Variants in MGA observed in about 807,000 individuals in gnomAD.
MGA encodes the protein MAX gene-associated protein.
MGA carries 40 observed loss-of-function variants against 261.1 expected under a neutral mutation model. The observed-to-expected ratio is 0.15, with a 90% CI of 0.12 to 0.20. The LOEUF is 0.20. MGA is among the 10% of genes least tolerant of loss of function. The probability of loss-of-function intolerance (pLI) is 1.00; values close to 1 mark genes in which losing one functional copy is unlikely to be tolerated. For missense variants in MGA, 3,397 were observed against 3,630.5 expected (o/e 0.94, Z 1.65); for synonymous variants, 1,302 against 1,290.6 (o/e 1.01, Z -0.19).
At chr15:41,679,589 T>C (rs1296194486) in intron 2 of MGA, among the ~76,000 whole-genome samples, 1 of 152,222 alleles carries the variant, frequency 6.6e-6, no homozygotes. Context: ...TTTCTTTTTA[T>C]ATTGCCCATT....
chr15:41,626,122 G>A (rs2056444344), intron 1 of MGA, among the ~76,000 whole-genome samples: 1 of 152,110 alleles, frequency 6.6e-6, no homozygotes, highest in Non-Finnish European at 1.5e-5. Context: ...ACTTTCCTAG[G>A]TTTTAGACAT....
intron 5 of MGA, among the ~76,000 whole-genome samples, chr15:41,705,289 C>T (rs988550056): frequency 3.3e-5 from 5 of 151,928 alleles, no homozygotes; most frequent in South Asian, 4.2e-4. Flanking sequence ...GTTTACCTCT[C>T]GTAGGGACTT....
rs1182447616 is a variant in MGA, at chr15:41,710,682, T to G, written c.2426-9T>G. 14 of 1,586,286 alleles carry G rather than the reference T, an allele frequency of 8.8e-6. No homozygotes were observed. The highest frequency in any genetic ancestry group is 1.2e-5 in the Non-Finnish European group (14 of 1,168,906). On this transcript the variant is annotated splice_polypyrimidine_tract_variant and intron_variant, in intron 7 of 23. Transcript: ENST00000219905. ...TTTCTTTAAGCATTTTATGTTTTCTTATTTCTAGGTGGAAATTCAGAAAGT... is the reference window on the plus strand; with the variant it reads ...TTTCTTTAAGCATTTTATGTTTTCTGATTTCTAGGTGGAAATTCAGAAAGT...
Position 41,713,413 on chromosome 15 carries a change from A to T in MGA, c.3347A>T (p.Glu1116Val). Residue 1116 changes from glutamate to valine, a missense_variant, in exon 9 of 24, where the codon GAG becomes GTG. By Grantham distance (121) the Glu-to-Val change is moderately radical (BLOSUM62 -2). This residue lies in a region of MGA where 519 missense variants were observed against 554.1 expected (regional missense o/e 0.94). Coordinates refer to ENST00000219905, the MANE Select transcript of MGA (RefSeq NM_001164273.2). Reference sequence around the variant, plus strand: ...CCAGTATTTTATGATACTCTGGGAGAGGAGGCAAGGGAGGAGGAAGAAGGA... The same window carrying T: ...CCAGTATTTTATGATACTCTGGGAGTGGAGGCAAGGGAGGAGGAAGAAGGA... 1.9e-6 allele frequency: 3 copies of T among 1,589,180 alleles called. No homozygotes were observed. The South Asian group carries it at 3.4e-5, about 18-fold the overall frequency.
At chr15:41,756,879 C>T (rs2151965539) in intron 18 of MGA, among the ~76,000 whole-genome samples, 1 of 152,144 alleles carries the variant, frequency 6.6e-6, no homozygotes. Context: ...CAGGCATTAG[C>T]TACTGTGCCT....
intron 1 of MGA, among the ~76,000 whole-genome samples, chr15:41,667,147 A>G (rs950367592): frequency 1.3e-5 from 2 of 152,122 alleles, no homozygotes; most frequent in African/African-American, 4.8e-5. Context: ...GTACATATTC[A>G]TAGCCATTTG....
upstream of MGA, among the ~76,000 whole-genome samples, chr15:41,657,012 A>C (rs1004259589): frequency 1.3e-5 from 2 of 151,948 alleles, no homozygotes; most frequent in Non-Finnish European, 2.9e-5. Context: ...GGTTCATGCG[A>C]TCCACCTGCC....
At position 41,729,204 on chromosome 15, in the gene MGA, A is replaced by C. The variant is rs759947357; in HGVS notation, c.3698A>C (p.Glu1233Ala). The C allele has an allele frequency of 1.2e-6, 2 of 1,613,908 alleles. No homozygotes were observed. The highest frequency in any genetic ancestry group is 1.7e-6 in the Non-Finnish European group (2 of 1,179,842). ...AAAGATCCAGTCTACTTGTACTTTG[A>C]AAGTATGATGACTTGTGCTCGAGTT... The change falls in exon 11 of 24, where the codon GAA (glutamate) becomes GCA (alanine). Residue 1233 changes from glutamate to alanine, a missense_variant. Physicochemically the swap from Glu to Ala is moderately radical, Grantham distance 107. Transcript: ENST00000219905.
chr15:41,745,306 A>T (rs12594319), intron 15 of MGA, among the ~76,000 whole-genome samples: 1 of 136,910 alleles, frequency 7.3e-6, no homozygotes, highest in South Asian at 2.3e-4. Context: ...AAAAAAAAAA[A>T]AGAGACAGCA....
chr15:41,679,278 G>A (rs1391215369), intron 2 of MGA, among the ~76,000 whole-genome samples: 3 of 151,990 alleles, frequency 2.0e-5, no homozygotes, highest in Non-Finnish European at 2.9e-5. Flanking sequence ...CTTGTGATCC[G>A]CCCGCCTTGG....
In MGA at chr15:41,762,461, G is replaced by GTTTTTTTTTTTTTTTTTT. The variant is rs34069193; in HGVS notation, c.7744+112_7744+129dup. On this transcript the variant is annotated intron_variant, in intron 22 of 23. Transcript: ENST00000219905. ...TTGTCCACATTTTTAGTTTTGTGTG[G>GTTTTTTTTTTTTTTTTTT]TTTTTTTTTTTTTTTTTTTTTTTTT... 1.7e-4 allele frequency: 24 copies of GTTTTTTTTTTTTTTTTTT among 138,444 alleles called. 3 individuals are homozygous for GTTTTTTTTTTTTTTTTTT. Among genetic ancestry groups the GTTTTTTTTTTTTTTTTTT allele is most frequent in the African/African-American group, 6.5e-4 (10 of 15,432 alleles). 8.6% of individuals were successfully genotyped at this position (138,444 alleles called of 1,614,324 possible).
At chr15:41,656,344 TTC>T (rs59370765), upstream of MGA, among the ~76,000 whole-genome samples, 194 of 59,960 alleles carry the variant, frequency 3.2e-3, 5 homozygotes, top group Middle Eastern at 9.4e-3. Context: ...CTCTCCTCTC[TTC>T]TCTCTCTCTC....
intron 1 of MGA, among the ~76,000 whole-genome samples, chr15:41,636,301 TA>T (rs2056704159): frequency 6.6e-6 from 1 of 151,750 alleles, no homozygotes; most frequent in Admixed American, 6.6e-5. Flanking sequence ...TATTTTATTT[TA>T]TTTTTTTTGA....
chr15:41,635,522 C>A (rs574368495), intron 1 of MGA, among the ~76,000 whole-genome samples: 12 of 151,818 alleles, frequency 7.9e-5, no homozygotes, highest in African/African-American at 1.9e-4. Flanking sequence ...GAGACCCCCC[C>A]CCTCCTATAA....
chr15:41,631,444 G>A (rs1289677315), intron 1 of MGA, among the ~76,000 whole-genome samples: 1 of 152,194 alleles, frequency 6.6e-6, no homozygotes, highest in Non-Finnish European at 1.5e-5. Context: ...AAGGAAGGAG[G>A]ATTGCTTGAG....
chr15:41,710,804 A>C lies in MGA; in HGVS notation c.2539A>C (p.Asn847His), dbSNP rs1243970574. ...GGAAACAAGCATGGGTTTTTCTTCT[A>C]ATGCTCCCACATCTCCTGTGGTGTA... Residue 847 changes from asparagine (N) to histidine (H), a missense_variant, in exon 8 of 24, where the codon AAT becomes CAT. This residue lies in a region of MGA where 519 missense variants were observed against 554.1 expected (regional missense o/e 0.94). Coordinates refer to ENST00000219905, the MANE Select transcript of MGA (RefSeq NM_001164273.2). 1 of 1,613,990 alleles carries C rather than the reference A, an allele frequency of 6.2e-7. No homozygotes were observed. Among genetic ancestry groups the C allele is most frequent in the East Asian group, 2.2e-5 (1 of 44,886 alleles).
intron 1 of MGA, among the ~76,000 whole-genome samples, chr15:41,642,646 G>A (rs1215065186): frequency 6.6e-6 from 1 of 152,070 alleles, no homozygotes; most frequent in Non-Finnish European, 1.5e-5. Context: ...ACCTCACCCA[G>A]CTAATTTTTG....
At chr15:41,761,645 TAAG>T (rs1412929072) in intron 20 of MGA, 91 bp from the exon 21 acceptor site, 1 of 627,444 alleles carries the variant, frequency 1.6e-6, no homozygotes, top group Non-Finnish European at 2.6e-6. Flanking sequence ...GATGTCAGAT[TAAG>T]TTTTTTTTCA....
At position 41,766,023 on chromosome 15, in the gene MGA, G is replaced by A; in HGVS notation, c.7941G>A (p.Met2647Ile). 6.2e-7 allele frequency: 1 copy of A among 1,601,142 alleles called. No homozygotes were observed. The highest frequency in any genetic ancestry group is 8.5e-7 in the Non-Finnish European group (1 of 1,173,826). ...TTTCAGAAAATGACGACTTATTTATGATGCCACGAATTGTTAATGTGACAT... is the reference window on the plus strand; with the variant it reads ...TTTCAGAAAATGACGACTTATTTATAATGCCACGAATTGTTAATGTGACAT... Residue 2647 changes from methionine (M) to isoleucine (I), a missense_variant, in exon 24 of 24, where the codon ATG becomes ATA. Physicochemically the swap from Met to Ile is conservative, Grantham distance 10 (BLOSUM62 1). Coordinates refer to ENST00000219905, the MANE Select transcript of MGA (RefSeq NM_001164273.2).
Sources: allele counts gnomAD v4.1 joint callset (sites outside exome capture counted in the v4.1 genomes callset), GRCh38; gene constraint gnomAD v4.1.1; regional missense constraint gnomAD v4.1.1; transcripts MANE v1.5; gene names NCBI Gene and HGNC (gene_info 2026-07-23, HGNC 2026-07-21).